ATF7IP: variants seen among roughly 807,000 people sequenced by gnomAD.
ATF7IP encodes the protein activating transcription factor 7 interacting protein.
In ATF7IP, 23 loss-of-function variants were observed where a neutral mutation model predicts 106.4. The observed-to-expected ratio is 0.22, with a 90% CI of 0.16 to 0.31. The LOEUF is 0.31. Ranked by LOEUF, ATF7IP falls within the 10% of genes least tolerant of loss-of-function variation. ATF7IP has a pLI of 1.00. For missense variants in ATF7IP, 1,334 were observed against 1,524.3 expected (o/e 0.88, Z 2.08); for synonymous variants, 542 against 539.0 (o/e 1.01, Z -0.08).
At chr12:14,367,126 G>A (rs1282576060) in intron 1 of ATF7IP, among the ~76,000 whole-genome samples, 1 of 151,990 alleles carries the variant, frequency 6.6e-6, no homozygotes, top group Non-Finnish European at 1.5e-5. Flanking sequence ...CTTCATTTGT[G>A]GTTCATATAT....
At chr12:14,374,424 C>G (rs993067625) in intron 1 of ATF7IP, among the ~76,000 whole-genome samples, 6 of 151,824 alleles carry the variant, frequency 4.0e-5, no homozygotes, top group Admixed American at 2.6e-4. Context: ...GAAAATGTGA[C>G]TTCCAAGGGC....
chr12:14,430,944 A>G (rs779270264), intron 2 of ATF7IP, among the ~76,000 whole-genome samples: 2 of 152,218 alleles, frequency 1.3e-5, no homozygotes, highest in Non-Finnish European at 2.9e-5. Context: ...AAGATTGAAA[A>G]TATCTATTTT....
At chr12:14,495,978 T>C (rs752352501) in intron 13 of ATF7IP, among the ~76,000 whole-genome samples, 1 of 152,246 alleles carries the variant, frequency 6.6e-6, no homozygotes, top group Non-Finnish European at 1.5e-5. Context: ...GTGGCACATA[T>C]TCTCCATTGA....
chr12:14,382,966 T>C (rs571789070), intron 1 of ATF7IP, among the ~76,000 whole-genome samples: 2 of 152,308 alleles, frequency 1.3e-5, no homozygotes, highest in South Asian at 4.1e-4. Context: ...AAGTAAACTA[T>C]AATAGGATAG....
chr12:14,496,789 T>C (rs1381591461), intron 14 of ATF7IP, among the ~76,000 whole-genome samples: 7 of 152,206 alleles, frequency 4.6e-5, no homozygotes, highest in Non-Finnish European at 8.8e-5. Flanking sequence ...TAACCAAAGA[T>C]TTCTCCTTAG....
intron 5 of ATF7IP, among the ~76,000 whole-genome samples, chr12:14,446,160 T>C (rs768750479): frequency 1.3e-5 from 2 of 152,020 alleles, no homozygotes; most frequent in Non-Finnish European, 2.9e-5. Flanking sequence ...TTTTTGTTTT[T>C]TTTTTGAGAC....
chr12:14,494,923 A>C (rs1591980068), intron 13 of ATF7IP, among the ~76,000 whole-genome samples: 1 of 116,976 alleles, frequency 8.5e-6, no homozygotes, highest in South Asian at 3.1e-4. Context: ...ACAGAGCCAG[A>C]CTCTGTCTCA....
chr12:14,492,946 A>G (rs1387782065), intron 13 of ATF7IP, among the ~76,000 whole-genome samples: 3 of 152,242 alleles, frequency 2.0e-5, no homozygotes, highest in African/African-American at 7.2e-5. Flanking sequence ...TATCTTCTGG[A>G]CCCTCGCAGC....
intron 10 of ATF7IP, among the ~76,000 whole-genome samples, chr12:14,466,847 AT>A (rs1191111003): frequency 4.6e-5 from 7 of 152,154 alleles, no homozygotes; most frequent in Admixed American, 2.0e-4. Context: ...GATTAATACA[AT>A]TGACAATCCA....
intron 8 of ATF7IP, among the ~76,000 whole-genome samples, chr12:14,460,271 CAT>C (rs1272991368): frequency 2.6e-5 from 4 of 152,012 alleles, no homozygotes; most frequent in African/African-American, 9.7e-5. Flanking sequence ...AATCATCGAT[CAT>C]GTGCTGTTTT....
At chr12:14,476,239 C>A (rs117740365) in intron 11 of ATF7IP, 3,515 of 257,930 alleles carry the variant, frequency 0.014, 38 homozygotes, top group Middle Eastern at 0.018. Context: ...CGGTGAAACC[C>A]CGTCTCTATA....
Position 14,460,652 on chromosome 12 carries a change from C to T in ATF7IP, c.2316C>T (p.Pro772=), listed in dbSNP as rs369912046. The T allele has an allele frequency of 1.2e-5, 19 of 1,614,056 alleles. No homozygotes were observed. Among genetic ancestry groups the T allele is most frequent in the Non-Finnish European group, 1.6e-5 (19 of 1,180,028 alleles). ...VATTQVPSGN[P]QPTISLQPLP... is the part of the protein sequence containing the mutation. ...CTACTCAGGTGCCTAGTGGAAATCC[C>T]CAGCCTACAATCTCTTTACAGCCTT... The change falls in exon 9 of 15, where the codon CCC becomes CCT. Residue 772 remains proline, a synonymous_variant. Transcript: ENST00000261168.
chr12:14,478,734 G>A (rs1944340051), intron 12 of ATF7IP, among the ~76,000 whole-genome samples: 1 of 152,058 alleles, frequency 6.6e-6, no homozygotes, highest in African/African-American at 2.4e-5. Flanking sequence ...ATTTTAAAAA[G>A]CATTCACATC....
chr12:14,422,341 A>ACG (rs1202635535), intron 1 of ATF7IP, among the ~76,000 whole-genome samples: 1 of 151,404 alleles, frequency 6.6e-6, no homozygotes, highest in Non-Finnish European at 1.5e-5. Context: ...ACACACACAC[A>ACG]CACACACACA....
At chr12:14,445,183 G>C (rs1182162753) in intron 5 of ATF7IP, among the ~76,000 whole-genome samples, 2 of 151,858 alleles carry the variant, frequency 1.3e-5, no homozygotes, top group Non-Finnish European at 2.9e-5. Flanking sequence ...TAGAGATGGG[G>C]TTTCACCATG....
chr12:14,381,867 G>GTTTTTTTTTT (rs55929147), intron 1 of ATF7IP, among the ~76,000 whole-genome samples: 1 of 148,370 alleles, frequency 6.7e-6, no homozygotes, highest in Non-Finnish European at 1.5e-5. Context: ...ATTAATTCTA[G>GTTTTTTTTTT]TTTTTTTTTT....
In ATF7IP at chr12:14,424,513, T is replaced by A; in HGVS notation, c.598T>A (p.Ser200Thr). ...TGGTGATGCCACTGCTGATGATCTC[T>A]CCTCTGGTGATCCCACCTCTAGTGA... ...TSGDATADDL[S>T]SGDPTSSDPI... Residue 200 changes from serine (S) to threonine (T), a missense_variant, in exon 2 of 15, where the codon TCC becomes ACC. Ser to Thr is a moderately conservative substitution (Grantham distance 58). This residue lies in a region of ATF7IP where 438 missense variants were observed against 405.3 expected (regional missense o/e 1.08). Coordinates refer to ENST00000261168, the MANE Select transcript of ATF7IP (RefSeq NM_018179.5). 1.2e-6 allele frequency: 2 copies of A among 1,613,974 alleles called. No individual in the cohort carries two copies. The highest frequency in any genetic ancestry group is 1.7e-6 in the Non-Finnish European group (2 of 1,179,978).
At chr12:14,391,824 C>A (rs1276482869) in intron 1 of ATF7IP, among the ~76,000 whole-genome samples, 1 of 152,180 alleles carries the variant, frequency 6.6e-6, no homozygotes, top group Admixed American at 6.5e-5. Context: ...CAGGTTCAAG[C>A]GGTCTTCCTG....
chr12:14,438,336 T>G (rs1942514579), intron 5 of ATF7IP, 69 bp downstream of exon 5: 2 of 1,321,284 alleles, frequency 1.5e-6, no homozygotes, highest in South Asian at 3.1e-5. Flanking sequence ...CTGAGATATA[T>G]ATTTGAGATT....
Sources: gnomAD v4.1 joint callset for allele counts (sites outside exome capture counted in the v4.1 genomes callset) on GRCh38, gnomAD v4.1.1 for gene constraint, gnomAD v4.1.1 regional missense constraint, MANE v1.5 for transcripts, NCBI Gene and HGNC (gene_info 2026-07-23, HGNC 2026-07-21) for gene names.